Variants in EFL1 observed in about 807,000 individuals in gnomAD.
EFL1 encodes the protein elongation factor-like GTPase 1.
Under a neutral mutation model 126.7 loss-of-function variants are expected in EFL1, and 76 were observed. That is an observed-to-expected ratio of 0.60 (90% CI 0.50 to 0.73). The LOEUF (loss-of-function observed/expected upper bound fraction) is 0.73, where lower values mean the gene tolerates loss of function less well. Ranked by LOEUF, EFL1 falls within the 30% of genes least tolerant of loss-of-function variation. The pLI, the probability that EFL1 is intolerant of heterozygous loss-of-function variation, is 0.00. For missense variants in EFL1, 1,128 were observed against 1,343.2 expected (o/e 0.84, Z 2.50); for synonymous variants, 410 against 448.4 (o/e 0.91, Z 1.08).
intron 18 of EFL1, among the ~76,000 whole-genome samples, chr15:82,143,979 C>T (rs577979837): frequency 1.3e-4 from 20 of 152,316 alleles, no homozygotes; most frequent in South Asian, 6.2e-4. Context: ...TATAGGCATA[C>T]GCTCGCACGC....
chr15:82,190,725 G>A (rs1014015441), intron 15 of EFL1, among the ~76,000 whole-genome samples: 5 of 152,128 alleles, frequency 3.3e-5, no homozygotes, highest in Admixed American at 6.5e-5. Context: ...TCCAGGTCTT[G>A]AGTAAACTAA....
chr15:82,134,268 G>A (rs2073695736), intron 19 of EFL1, among the ~76,000 whole-genome samples: 1 of 152,162 alleles, frequency 6.6e-6, no homozygotes. Flanking sequence ...CCTTAGTGGA[G>A]CAAAGACAAG....
chr15:82,177,926 T>A (rs1190703816), intron 15 of EFL1, among the ~76,000 whole-genome samples: 1 of 152,170 alleles, frequency 6.6e-6, no homozygotes. Flanking sequence ...TATTTCAAGT[T>A]GATGATTTCC....
chr15:82,230,837 T>C lies in EFL1; in HGVS notation c.855+11A>G, dbSNP rs770784939. 4.4e-6 allele frequency: 7 copies of C among 1,602,594 alleles called. No individual in the cohort carries two copies. In the African/African-American group the frequency reaches 8.1e-5, roughly 18 times the overall value. ...ATGACCAACAACCAAAAGGGACATATACCACATTACCTGATCACCCTTCAT... is the reference window on the plus strand; with the variant it reads ...ATGACCAACAACCAAAAGGGACATACACCACATTACCTGATCACCCTTCAT... On this transcript the variant is annotated intron_variant, in intron 8 of 19. Coordinates refer to ENST00000268206, the MANE Select transcript of EFL1 (RefSeq NM_024580.6).
intron 15 of EFL1, among the ~76,000 whole-genome samples, chr15:82,178,002 G>T (rs184714500): frequency 1.3e-5 from 2 of 152,278 alleles, no homozygotes; most frequent in East Asian, 3.9e-4. Context: ...AATACTGTGA[G>T]GTAAGATTGT....
chr15:82,145,709 C>T (rs2073837736), intron 18 of EFL1, among the ~76,000 whole-genome samples: 1 of 151,746 alleles, frequency 6.6e-6, no homozygotes, highest in Admixed American at 6.6e-5. Context: ...TGGCGGGTTC[C>T]TGTAATCCCA....
chr15:82,226,618 T>C (rs1330205775), intron 11 of EFL1, among the ~76,000 whole-genome samples: 6 of 152,182 alleles, frequency 3.9e-5, no homozygotes, highest in African/African-American at 1.4e-4. Context: ...GTTGAGATGC[T>C]TCTTAGACAA....
rs750769187 is a variant in EFL1 at position 82,220,199 on chromosome 15, T to C, written c.1323A>G (p.Arg441=). The C allele has an allele frequency of 3.7e-6, 6 of 1,606,604 alleles. No individual in the cohort carries two copies. In the South Asian group the frequency reaches 6.7e-5, roughly 18 times the overall value. Residue 441 remains arginine (R), a synonymous_variant, in exon 13 of 20, where the codon AGA becomes AGG. Transcript: ENST00000268206. The part of the protein sequence containing the change: ...RPLTQEEIAQ[R]RERARQRHAE... ...CATGCCTTTGTCTTGCACGCTCACG[T>C]CTCTGAGCAATTTCTTCTTGAGTGA...
intron 19 of EFL1, among the ~76,000 whole-genome samples, chr15:82,132,629 C>T (rs1387673288): frequency 1.5e-5 from 2 of 132,112 alleles, no homozygotes; most frequent in South Asian, 2.5e-4. Context: ...AAGTGGGAGC[C>T]CAGTTAGAGG....
chr15:82,155,934 T>C (rs923942667), intron 17 of EFL1, among the ~76,000 whole-genome samples: 42 of 152,222 alleles, frequency 2.8e-4, no homozygotes, highest in Non-Finnish European at 3.7e-4. Flanking sequence ...GCTCTTCTCA[T>C]TTATTTGTAG....
chr15:82,146,785 G>A (rs919997581), intron 18 of EFL1, among the ~76,000 whole-genome samples: 8 of 152,018 alleles, frequency 5.3e-5, no homozygotes, highest in African/African-American at 1.7e-4. Flanking sequence ...AAATAAATGG[G>A]GCTTCATAGA....
At chr15:82,233,998 G>T (rs1331004097) in intron 7 of EFL1, among the ~76,000 whole-genome samples, 1 of 152,110 alleles carries the variant, frequency 6.6e-6, no homozygotes, top group Non-Finnish European at 1.5e-5. Context: ...CTCTAAATCT[G>T]ACCTTGTCTA....
chr15:82,257,209 A>G (rs1332751661), intron 3 of EFL1, among the ~76,000 whole-genome samples: 1 of 152,090 alleles, frequency 6.6e-6, no homozygotes, highest in African/African-American at 2.4e-5. Context: ...TTTTCCAGAC[A>G]TTTTTCCATT....
chr15:82,169,398 G>A (rs1222399798), intron 15 of EFL1, among the ~76,000 whole-genome samples: 1 of 151,904 alleles, frequency 6.6e-6, no homozygotes, highest in African/African-American at 2.4e-5. Context: ...AGCATAAATT[G>A]GGATCTTACA....
chr15:82,201,241 GGAATAATTAAGT>G (rs1567060892), intron 15 of EFL1, among the ~76,000 whole-genome samples: 1 of 152,218 alleles, frequency 6.6e-6, no homozygotes, highest in Non-Finnish European at 1.5e-5. Context: ...ATCTTCACCA[GGAATAATTAAGT>G]GTGAAGATTT....
intron 15 of EFL1, among the ~76,000 whole-genome samples, chr15:82,172,720 A>G (rs893332834): frequency 2.0e-5 from 3 of 152,198 alleles, no homozygotes; most frequent in African/African-American, 7.2e-5. Flanking sequence ...ACAGTCACTC[A>G]TGGCGTATGA....
chr15:82,238,437 T>C lies in EFL1; in HGVS notation c.601A>G (p.Asn201Asp), dbSNP rs1440092191. ...ERETESQVNP[N>D]SEQGEQVYDW... ...TATACTTGCTCTCCTTGTTCAGAAT[T>C]TGGATTCACTTGGGATTCAGTCTCC... Residue 201 changes from asparagine to aspartate, a missense_variant, in exon 7 of 20, where the codon AAT (asparagine) becomes GAT (aspartate). Coordinates refer to ENST00000268206, the MANE Select transcript of EFL1 (RefSeq NM_024580.6). The C allele has an allele frequency of 1.2e-5, 20 of 1,614,038 alleles. No individual in the cohort carries two copies. The highest frequency in any genetic ancestry group is 1.7e-5 in the Non-Finnish European group (20 of 1,180,042).
At chr15:82,251,473 T>C (rs570765587) in intron 4 of EFL1, among the ~76,000 whole-genome samples, 14 of 152,168 alleles carry the variant, frequency 9.2e-5, no homozygotes, top group Non-Finnish European at 1.9e-4. Context: ...CAACTAAAAC[T>C]GACACCAGAG....
chr15:82,138,642 G>A lies in EFL1; in HGVS notation c.3174+16C>T. 1 of 1,611,484 alleles carries A rather than the reference G, an allele frequency of 6.2e-7. No homozygotes were observed. The highest frequency in any genetic ancestry group is 2.2e-5 in the East Asian group (1 of 44,842). On this transcript the variant is annotated intron_variant, in intron 19 of 19. Transcript: ENST00000268206. ...TAGATGAGAAGGAAGGAATGAATGG[G>A]AACTTGGATTTTTACCTCCCAATGG... is the stretch of plus-strand genomic sequence containing the variant.
Sources: allele counts gnomAD v4.1 joint callset (sites outside exome capture counted in the v4.1 genomes callset), GRCh38; gene constraint gnomAD v4.1.1; transcripts MANE v1.5; gene names NCBI Gene and HGNC (gene_info 2026-07-23, HGNC 2026-07-21).